HEPHL1: variants seen among roughly 807,000 people sequenced by gnomAD.
HEPHL1 encodes the protein ferroxidase HEPHL1.
A neutral mutation model predicts 122.0 loss-of-function variants in HEPHL1; 123 were observed. That is an observed-to-expected ratio of 1.01 (90% CI 0.87 to 1.17). The LOEUF (loss-of-function observed/expected upper bound fraction) is 1.17, where lower values mean the gene tolerates loss of function less well. Ranked by LOEUF, HEPHL1 falls within the 50% of genes most tolerant of loss-of-function variation. The probability of loss-of-function intolerance (pLI) is 0.00; values close to 1 mark genes in which losing one functional copy is unlikely to be tolerated. For missense variants in HEPHL1, 1,452 were observed against 1,430.5 expected, an observed-to-expected ratio of 1.01 and a Z score of -0.24; for synonymous variants, 527 against 508.9, an observed-to-expected ratio of 1.04 and a Z score of -0.48.
chr11:94,099,075 G>T (rs546306145), intron 13 of HEPHL1, among the ~76,000 whole-genome samples: 97 of 152,318 alleles, frequency 6.4e-4, no homozygotes, highest in African/African-American at 2.2e-3. Flanking sequence ...TTCCTTTGGT[G>T]GGGGAGAGGC....
At position 94,110,982 on chromosome 11, in the gene HEPHL1, C is replaced by G. The variant is rs1305576761; in HGVS notation, c.3125C>G (p.Pro1042Arg). ...ACCATTGAACTGTTTGCAGATCACC[C>G]AGGGACATGGCTGCTACACTGTCAT... is the stretch of plus-strand genomic sequence containing the variant. ...FQTIELFADH[P>R]GTWLLHCHVS... Residue 1042 changes from proline (P) to arginine (R), a missense_variant, in exon 18 of 20, where the codon CCA becomes CGA. Physicochemically the swap from Pro to Arg is moderately radical, Grantham distance 103. Coordinates refer to ENST00000315765, the MANE Select transcript of HEPHL1 (RefSeq NM_001098672.2). 6.2e-7 allele frequency: 1 copy of G among 1,612,138 alleles called. No homozygotes were observed. Among genetic ancestry groups the G allele is most frequent in the Non-Finnish European group, 8.5e-7 (1 of 1,179,112 alleles).
At chr11:94,053,184 A>T (rs1431329215) in intron 2 of HEPHL1, among the ~76,000 whole-genome samples, 1 of 151,990 alleles carries the variant, frequency 6.6e-6, no homozygotes, top group African/African-American at 2.4e-5. Context: ...TATTTTAGTC[A>T]GTTTTGGTAA....
At chr11:94,033,865 C>T (rs1253812716) in intron 1 of HEPHL1, among the ~76,000 whole-genome samples, 2 of 152,166 alleles carry the variant, frequency 1.3e-5, no homozygotes, top group Non-Finnish European at 2.9e-5. Flanking sequence ...GCATATCTCA[C>T]TGTAACACGC....
intron 1 of HEPHL1, among the ~76,000 whole-genome samples, chr11:94,024,067 C>T (rs1290128125): frequency 6.6e-6 from 1 of 152,200 alleles, no homozygotes; most frequent in African/African-American, 2.4e-5. Context: ...ATGATGTAAT[C>T]ATGCCCCTCT....
chr11:94,085,985 G>A lies in HEPHL1; in HGVS notation c.1876G>A (p.Gly626Ser), dbSNP rs756574820. The change falls in exon 11 of 20, where the codon GGC becomes AGC. Residue 626 changes from glycine to serine, a missense_variant. Coordinates refer to ENST00000315765, the MANE Select transcript of HEPHL1 (RefSeq NM_001098672.2). ...TTTCTTCTTCCATTTAGCTGTTAAC[G>A]GCTACATGTATGGCAACCAGCCAGG... ...VKSNRMHAVN[G>S]YMYGNQPGLN... 4.3e-6 allele frequency: 7 copies of A among 1,612,892 alleles called. No individual in the cohort carries two copies. The highest frequency in any genetic ancestry group is 1.7e-5 in the Admixed American group (1 of 59,968).
chr11:94,077,073 A>G (rs569476139), intron 9 of HEPHL1, among the ~76,000 whole-genome samples: 2 of 152,286 alleles, frequency 1.3e-5, no homozygotes, highest in South Asian at 2.1e-4. Flanking sequence ...CTTTATTATT[A>G]TCTCTCTTTG....
chr11:94,067,603 A>G lies in HEPHL1; in HGVS notation c.916A>G (p.Ile306Val), dbSNP rs537000260. ...GGGGAATGAAATAGACATCCATTCT[A>G]TCTATTTCTATGGTAACACCTTCAT... ...GMGNEIDIHSIYFYGNTFISR... is the reference protein window; with the variant it reads ...GMGNEIDIHSVYFYGNTFISR... Residue 306 changes from isoleucine (I) to valine (V), a missense_variant, in exon 5 of 20, where the codon ATC becomes GTC. Transcript: ENST00000315765. 1.9e-5 allele frequency: 31 copies of G among 1,613,428 alleles called. No homozygotes were observed. Among genetic ancestry groups the G allele is most frequent in the Non-Finnish European group, 2.5e-5 (29 of 1,179,434 alleles).
intron 13 of HEPHL1, among the ~76,000 whole-genome samples, chr11:94,098,269 T>C (rs1946336154): frequency 6.6e-6 from 1 of 152,232 alleles, no homozygotes; most frequent in Non-Finnish European, 1.5e-5. Flanking sequence ...TCTCCACTTA[T>C]GAAGCTTAGT....
chr11:94,077,377 A>T (rs540308816), intron 9 of HEPHL1, among the ~76,000 whole-genome samples: 23 of 152,016 alleles, frequency 1.5e-4, no homozygotes, highest in African/African-American at 4.1e-4. Context: ...ATTTCTTTAA[A>T]TTTTTTTTAT....
chr11:94,091,002 A>G (rs1303182138), intron 12 of HEPHL1, among the ~76,000 whole-genome samples: 1 of 152,206 alleles, frequency 6.6e-6, no homozygotes, highest in African/African-American at 2.4e-5. Flanking sequence ...ATTTGAAAAC[A>G]GAAATTAAGT....
chr11:94,070,920 T>C (rs1266471611), intron 6 of HEPHL1, among the ~76,000 whole-genome samples: 1 of 152,158 alleles, frequency 6.6e-6, no homozygotes, highest in African/African-American at 2.4e-5. Flanking sequence ...GAGATGGAGA[T>C]GACCTGGCCT....
intron 1 of HEPHL1, among the ~76,000 whole-genome samples, chr11:94,027,633 G>A (rs1201414678): frequency 1.3e-5 from 2 of 152,316 alleles, no homozygotes; most frequent in Non-Finnish European, 2.9e-5. Flanking sequence ...CTGCTTTACA[G>A]CAGAGGAAAC....
intron 1 of HEPHL1, among the ~76,000 whole-genome samples, chr11:94,043,891 C>T (rs763082390): frequency 6.6e-6 from 1 of 151,900 alleles, no homozygotes; most frequent in African/African-American, 2.4e-5. Flanking sequence ...TTTTTTCCTC[C>T]ATATCCCTGG....
chr11:94,026,376 GA>G (rs1373610989), intron 1 of HEPHL1, among the ~76,000 whole-genome samples: 1 of 152,178 alleles, frequency 6.6e-6, no homozygotes, highest in Non-Finnish European at 1.5e-5. Context: ...TTTTCTGCCT[GA>G]ATAAAGATAG....
In HEPHL1 at chr11:94,093,563, T is replaced by C. The variant is rs370954018; in HGVS notation, c.2357T>C (p.Val786Ala). Residue 786 changes from valine to alanine, a missense_variant, in exon 13 of 20, where the codon GTT (valine) becomes GCT (alanine). By Grantham distance (64) the Val-to-Ala change is moderately conservative. Coordinates refer to ENST00000315765, the MANE Select transcript of HEPHL1 (RefSeq NM_001098672.2). Reference sequence around the variant, plus strand: ...ATTGGCTCTCAGTACAAGAAGGTGGTTTACAGGGAATATACGGATGGAGAA... The same window carrying C: ...ATTGGCTCTCAGTACAAGAAGGTGGCTTACAGGGAATATACGGATGGAGAA... ...NWIGSQYKKV[V>A]YREYTDGEFV... The C allele has an allele frequency of 1.3e-4, 202 of 1,613,414 alleles. No homozygotes were observed. The highest frequency in any genetic ancestry group is 1.6e-4 in the Non-Finnish European group (185 of 1,179,772).
At chr11:94,048,995 C>G (rs548291314) in intron 2 of HEPHL1, among the ~76,000 whole-genome samples, 8 of 152,108 alleles carry the variant, frequency 5.3e-5, no homozygotes, top group African/African-American at 1.9e-4. Flanking sequence ...GTGGCACATG[C>G]CTATAACCCC....
At chr11:94,099,870 T>C (rs1946353089) in intron 13 of HEPHL1, among the ~76,000 whole-genome samples, 1 of 152,194 alleles carries the variant, frequency 6.6e-6, no homozygotes, top group African/African-American at 2.4e-5. Context: ...AAAAGCGCAG[T>C]ATTAGGGTAG....
intron 8 of HEPHL1, among the ~76,000 whole-genome samples, chr11:94,074,009 G>A (rs1305827149): frequency 6.6e-6 from 1 of 152,148 alleles, no homozygotes; most frequent in African/African-American, 2.4e-5. Flanking sequence ...CCCAGTGGCT[G>A]TGGGAACTCT....
At chr11:94,071,242 A>G (rs572705159) in intron 6 of HEPHL1, among the ~76,000 whole-genome samples, 2 of 152,274 alleles carry the variant, frequency 1.3e-5, no homozygotes, top group South Asian at 4.1e-4. Context: ...GTACAGTGTG[A>G]TATCAAGAAT....
Sources: gnomAD v4.1 joint callset for allele counts (sites outside exome capture counted in the v4.1 genomes callset) on GRCh38, gnomAD v4.1.1 for gene constraint, MANE v1.5 for transcripts, NCBI Gene and HGNC (gene_info 2026-07-23, HGNC 2026-07-21) for gene names.